Variants in NAALADL2 observed in about 807,000 individuals in gnomAD.
NAALADL2 encodes N-acetylated alpha-linked acidic dipeptidase like 2.
NAALADL2 carries 76 observed loss-of-function variants against 87.2 expected under a neutral mutation model. That is an observed-to-expected ratio of 0.87 (90% CI 0.72 to 1.05). NAALADL2 has a LOEUF of 1.05. NAALADL2 is among the 50% of genes least tolerant of loss of function. The probability of loss-of-function intolerance (pLI) is 0.00; values close to 1 mark genes in which losing one functional copy is unlikely to be tolerated. For synonymous variants in NAALADL2, 354 were observed against 331.0 expected (o/e 1.07, Z -0.75); for missense variants, 1,089 against 945.8 (o/e 1.15, Z -1.99).
chr3:175,351,140 C>T (rs1013611861), intron 5 of NAALADL2, among the ~76,000 whole-genome samples: 5 of 152,070 alleles, frequency 3.3e-5, no homozygotes, highest in Admixed American at 2.0e-4. Context: ...ATGAGTCTCA[C>T]TTTTCAAGGT....
chr3:175,743,558 G>A (rs1181060891), intron 12 of NAALADL2, among the ~76,000 whole-genome samples: 1 of 152,202 alleles, frequency 6.6e-6, no homozygotes, highest in African/African-American at 2.4e-5. Flanking sequence ...CATTATGATG[G>A]ACCAGATGTA....
chr3:175,467,408 C>G (rs1396167780), intron 8 of NAALADL2, among the ~76,000 whole-genome samples: 1 of 152,174 alleles, frequency 6.6e-6, no homozygotes, highest in African/African-American at 2.4e-5. Flanking sequence ...ACCAGACTTA[C>G]AAACCCTGAT....
intron 9 of NAALADL2, among the ~76,000 whole-genome samples, chr3:175,558,078 C>T (rs1294708673): frequency 6.6e-6 from 1 of 151,172 alleles, no homozygotes; most frequent in East Asian, 2.0e-4. Flanking sequence ...GCCTGTAGTC[C>T]CAGCTACTTG....
rs549271253 is a variant in NAALADL2 at position 175,030,761 on chromosome 3, T to C, written c.44-66029T>C. Among the ~76,000 whole-genome samples the C allele has an allele frequency of 2.3e-4, 35 of 152,154 alleles. No homozygotes were observed. The South Asian group carries it at 7.3e-3, about 32-fold the overall frequency. On this transcript the variant is annotated intron_variant, in intron 1 of 13. Transcript: ENST00000454872. ...ATCTTTAATGTAAGGAAGAATAAAA[T>C]TGCAGAGTTTACTATTAGCAAGCTC...
intron 9 of NAALADL2, among the ~76,000 whole-genome samples, chr3:175,539,539 A>G (rs955764329): frequency 2.0e-5 from 3 of 151,816 alleles, no homozygotes; most frequent in African/African-American, 4.8e-5. Context: ...GTGCAGGTTT[A>G]TTATTTAGGT....
intron 11 of NAALADL2, among the ~76,000 whole-genome samples, chr3:175,673,968 T>C (rs1734364453): frequency 6.6e-6 from 1 of 152,058 alleles, no homozygotes; most frequent in South Asian, 2.1e-4. Flanking sequence ...TTTTGCTTCA[T>C]TGTAAGATAC....
intron 1 of NAALADL2, among the ~76,000 whole-genome samples, chr3:174,521,341 G>A (rs1024343141): frequency 1.8e-4 from 27 of 151,788 alleles, no homozygotes; most frequent in Non-Finnish European, 3.5e-4. Context: ...CGAGGCAGGC[G>A]GATCACTTGA....
At chr3:175,495,092 ATTTT>A (rs59352149) in intron 9 of NAALADL2, among the ~76,000 whole-genome samples, 1 of 136,502 alleles carries the variant, frequency 7.3e-6, no homozygotes, top group Non-Finnish European at 1.6e-5. Context: ...ATATATATAT[ATTTT>A]TTTTTAATTT....
At chr3:175,122,224 A>G (rs1232879086) in intron 2 of NAALADL2, among the ~76,000 whole-genome samples, 1 of 151,864 alleles carries the variant, frequency 6.6e-6, no homozygotes, top group Non-Finnish European at 1.5e-5. Context: ...GCCATTCTGC[A>G]TACTGGTTGA....
chr3:175,468,381 A>T (rs541884215), intron 8 of NAALADL2, among the ~76,000 whole-genome samples: 52 of 152,184 alleles, frequency 3.4e-4, no homozygotes, highest in African/African-American at 1.3e-3. Flanking sequence ...AGTAAGCTGG[A>T]AATGAAATAG....
chr3:175,689,718 T>C (rs1736792221), intron 11 of NAALADL2, among the ~76,000 whole-genome samples: 1 of 152,168 alleles, frequency 6.6e-6, no homozygotes. Flanking sequence ...TGGTCTCCGA[T>C]GTTTAGAGAA....
chr3:174,997,672 T>C (rs1015559528), intron 1 of NAALADL2, among the ~76,000 whole-genome samples: 1 of 151,824 alleles, frequency 6.6e-6, no homozygotes, highest in Non-Finnish European at 1.5e-5. Flanking sequence ...AAAAATTAGC[T>C]GGGTGTGGTG....
Position 174,585,191 on chromosome 3 carries a change from C to T in NAALADL2, c.-115+34554C>T, listed in dbSNP as rs551529753. Among the ~76,000 whole-genome samples, 159 of 152,110 alleles carry T rather than the reference C, an allele frequency of 1.0e-3. 5 individuals are homozygous for T. The South Asian group carries it at 0.031, about 30-fold the overall frequency. ...ATAGACATACTGCAGAAACTCTCAG[C>T]GTAGGATATGCATCATAATCATTTG... On this transcript the variant is annotated intron_variant, in intron 2 of 3. Transcript: ENST00000434257.
intron 5 of NAALADL2, among the ~76,000 whole-genome samples, chr3:175,363,520 C>T (rs2148917024): frequency 6.8e-6 from 1 of 147,590 alleles, no homozygotes; most frequent in East Asian, 2.0e-4. Flanking sequence ...CTCTCTGTCT[C>T]TGACTCTGTC....
At chr3:174,590,533 T>C (rs1008284331) in intron 2 of NAALADL2, among the ~76,000 whole-genome samples, 1 of 152,148 alleles carries the variant, frequency 6.6e-6, no homozygotes, top group Non-Finnish European at 1.5e-5. Context: ...CCTCTTATTA[T>C]ATTAAATTTT....
chr3:174,621,360 T>G (rs1445749296), intron 2 of NAALADL2, among the ~76,000 whole-genome samples: 2 of 152,130 alleles, frequency 1.3e-5, no homozygotes, highest in Non-Finnish European at 2.9e-5. Context: ...AGTTGGATCA[T>G]TTTCTGACAG....
chr3:175,412,216 C>G (rs1425407600), intron 5 of NAALADL2, among the ~76,000 whole-genome samples: 1 of 152,152 alleles, frequency 6.6e-6, no homozygotes, highest in African/African-American at 2.4e-5. Context: ...AGTCTTTTCC[C>G]CCCTTTTTAT....
intron 1 of NAALADL2, among the ~76,000 whole-genome samples, chr3:174,994,242 T>A (rs931461328): frequency 6.6e-6 from 1 of 152,164 alleles, no homozygotes; most frequent in African/African-American, 2.4e-5. Context: ...TAGTATTGGC[T>A]TGATATTTGT....
chr3:175,462,304 C>T (rs1723264227), intron 6 of NAALADL2, among the ~76,000 whole-genome samples: 1 of 152,184 alleles, frequency 6.6e-6, no homozygotes, highest in Admixed American at 6.5e-5. Context: ...ATTAAAAGCA[C>T]AATGCTCAGA....
Sources: allele counts gnomAD v4.1 joint callset (sites outside exome capture counted in the v4.1 genomes callset), GRCh38; gene constraint gnomAD v4.1.1; transcripts MANE v1.5; gene names NCBI Gene and HGNC (gene_info 2026-07-23, HGNC 2026-07-21).